Variants in FILIP1L observed in about 807,000 individuals in gnomAD.
The protein encoded by FILIP1L is filamin A-interacting protein 1-like.
FILIP1L carries 55 observed loss-of-function variants against 96.6 expected under a neutral mutation model. The ratio of observed to expected loss-of-function variants is 0.57; its 90% CI spans 0.46 to 0.71. The LOEUF (loss-of-function observed/expected upper bound fraction) is 0.71. Among genes scored for constraint, FILIP1L ranks in the 30% least tolerant of loss-of-function variants. The pLI is 0.00. For synonymous variants in FILIP1L, 467 were observed against 473.9 expected (o/e 0.99, Z 0.19); for missense variants, 1,304 against 1,321.2 (o/e 0.99, Z 0.20).
chr3:99,948,595 A>G (rs1422431316), intron 1 of FILIP1L, among the ~76,000 whole-genome samples: 1 of 143,168 alleles, frequency 7.0e-6, no homozygotes, highest in Non-Finnish European at 1.5e-5. Context: ...AGGGAGAGAG[A>G]AAGAGAGGGG....
chr3:99,899,016 A>G (rs188523377), intron 4 of FILIP1L, among the ~76,000 whole-genome samples: 2 of 152,274 alleles, frequency 1.3e-5, no homozygotes, highest in Non-Finnish European at 2.9e-5. Flanking sequence ...GAAGGCTGGA[A>G]CACACATACT....
intron 1 of FILIP1L, among the ~76,000 whole-genome samples, chr3:99,974,833 G>A (rs1708923719): frequency 6.6e-6 from 1 of 152,136 alleles, no homozygotes; most frequent in Admixed American, 6.5e-5. Context: ...TAGTCCTTAG[G>A]AGATGAACAT....
At chr3:100,093,714 C>T (rs550475259) in intron 1 of FILIP1L, among the ~76,000 whole-genome samples, 4 of 152,320 alleles carry the variant, frequency 2.6e-5, no homozygotes, top group African/African-American at 9.6e-5. Flanking sequence ...CCATCCCCTA[C>T]TCTCTCCTGA....
chr3:99,856,950 A>T (rs1943996539), intron 4 of FILIP1L, among the ~76,000 whole-genome samples: 1 of 152,050 alleles, frequency 6.6e-6, no homozygotes. Context: ...ACCGCTTTTG[A>T]TTTTATCTTA....
intron 1 of FILIP1L, among the ~76,000 whole-genome samples, chr3:99,960,889 CTG>C (rs1448635412): frequency 1.3e-5 from 2 of 152,132 alleles, no homozygotes; most frequent in Non-Finnish European, 2.9e-5. Context: ...TAAATGTACT[CTG>C]TGTGTTTGGC....
At chr3:100,093,002 TGA>T (rs2066139461) in intron 1 of FILIP1L, among the ~76,000 whole-genome samples, 1 of 152,004 alleles carries the variant, frequency 6.6e-6, no homozygotes, top group South Asian at 2.1e-4. Context: ...TTCCATAAAT[TGA>T]GAATTTGTGG....
chr3:100,063,418 A>C (rs1047603370), intron 1 of FILIP1L, among the ~76,000 whole-genome samples: 1 of 152,188 alleles, frequency 6.6e-6, no homozygotes, highest in Non-Finnish European at 1.5e-5. Flanking sequence ...AATTATTATT[A>C]TAGTATTATT....
At chr3:100,074,514 A>T (rs1489120131) in intron 1 of FILIP1L, among the ~76,000 whole-genome samples, 2 of 151,864 alleles carry the variant, frequency 1.3e-5, no homozygotes, top group Admixed American at 1.3e-4. Context: ...CATTTTGCAA[A>T]TTTATTCTAT....
At chr3:99,861,818 C>A (rs1944273585) in intron 4 of FILIP1L, among the ~76,000 whole-genome samples, 1 of 152,166 alleles carries the variant, frequency 6.6e-6, no homozygotes, top group Non-Finnish European at 1.5e-5. Context: ...AATTCAGACT[C>A]TGGAGTTCAG....
At chr3:99,939,795 G>A (rs1419179310) in intron 1 of FILIP1L, among the ~76,000 whole-genome samples, 1 of 152,168 alleles carries the variant, frequency 6.6e-6, no homozygotes, top group East Asian at 1.9e-4. Context: ...TCCCCAGTTT[G>A]CAGATTCCTC....
chr3:99,862,145 C>T (rs1025327731), intron 4 of FILIP1L, among the ~76,000 whole-genome samples: 1 of 152,084 alleles, frequency 6.6e-6, no homozygotes, highest in African/African-American at 2.4e-5. Context: ...TTGATTTAGC[C>T]ATTCCACAAT....
chr3:99,942,596 C>T (rs1246713561), intron 1 of FILIP1L, among the ~76,000 whole-genome samples: 2 of 152,176 alleles, frequency 1.3e-5, no homozygotes, highest in Non-Finnish European at 2.9e-5. Context: ...CTTTGGGAGA[C>T]CGAGGCGGGC....
At chr3:99,876,178 G>C (rs1354939827) in intron 4 of FILIP1L, 2 of 985,428 alleles carry the variant, frequency 2.0e-6, no homozygotes, top group South Asian at 9.4e-5. Context: ...CAATGCGAGC[G>C]GGGCGCTGAG....
chr3:100,075,362 T>C (rs964750260), intron 1 of FILIP1L, among the ~76,000 whole-genome samples: 3 of 152,248 alleles, frequency 2.0e-5, no homozygotes, highest in East Asian at 3.8e-4. Context: ...TCGTGTCCTT[T>C]ACCCTACAGG....
At chr3:99,933,958 T>G (rs1707575018) in intron 1 of FILIP1L, among the ~76,000 whole-genome samples, 1 of 152,224 alleles carries the variant, frequency 6.6e-6, no homozygotes, top group East Asian at 1.9e-4. Flanking sequence ...ACTCCACAGC[T>G]TCAGCTTTCT....
At chr3:100,021,111 G>T (rs948612592) in intron 1 of FILIP1L, among the ~76,000 whole-genome samples, 1 of 152,110 alleles carries the variant, frequency 6.6e-6, no homozygotes, top group Admixed American at 6.6e-5. Context: ...TTTCAAGGCC[G>T]GTCAATTGCC....
chr3:100,009,069 A>C (rs1022499461), intron 1 of FILIP1L, among the ~76,000 whole-genome samples: 10 of 152,346 alleles, frequency 6.6e-5, no homozygotes, highest in African/African-American at 2.4e-4. Context: ...GGTTTGCAGT[A>C]GACTTAAAAG....
At chr3:99,845,405 A>C (rs1943318413) in intron 5 of FILIP1L, among the ~76,000 whole-genome samples, 1 of 152,212 alleles carries the variant, frequency 6.6e-6, no homozygotes, top group Non-Finnish European at 1.5e-5. Context: ...CCAATGAAAG[A>C]ATGGTATGAG....
intron 1 of FILIP1L, among the ~76,000 whole-genome samples, chr3:100,038,408 C>A (rs2065146175): frequency 6.6e-6 from 1 of 152,066 alleles, no homozygotes; most frequent in Non-Finnish European, 1.5e-5. Flanking sequence ...AGCTGATTAG[C>A]CAAATTATTT....
Sources: gnomAD v4.1 joint callset for allele counts (sites outside exome capture counted in the v4.1 genomes callset) on GRCh38, gnomAD v4.1.1 for gene constraint, MANE v1.5 for transcripts, NCBI Gene and HGNC (gene_info 2026-07-23, HGNC 2026-07-21) for gene names.